TMEM132C: variants seen among roughly 807,000 people sequenced by gnomAD.
TMEM132C encodes the protein protein phosphatase 1, regulatory subunit 152.
In TMEM132C, 29 loss-of-function variants were observed where a neutral mutation model predicts 61.4. The observed-to-expected ratio is 0.47, with a 90% CI of 0.35 to 0.64. The LOEUF (loss-of-function observed/expected upper bound fraction) is 0.64, where lower values mean the gene tolerates loss of function less well. Ranked by LOEUF, TMEM132C falls within the 30% of genes least tolerant of loss-of-function variation. TMEM132C has a pLI of 0.00. For missense variants in TMEM132C, 1,408 were observed against 1,476.9 expected (o/e 0.95, Z 0.76); for synonymous variants, 656 against 633.1 (o/e 1.04, Z -0.54).
intron 1 of TMEM132C, chr12:128,399,829 A>G (rs1468408064): frequency 6.6e-6 from 1 of 152,056 alleles, no homozygotes; most frequent in Non-Finnish European, 1.5e-5. Context: ...GTGTTGTTTA[A>G]TAGAGAGGCA....
chr12:128,606,715 G>A (rs1000705795), intron 3 of TMEM132C, among the ~76,000 whole-genome samples: 3 of 152,074 alleles, frequency 2.0e-5, no homozygotes, highest in Admixed American at 1.3e-4. Context: ...TTCCAAAGGC[G>A]CTTGAGTTTG....
chr12:128,391,865 A>G lies in TMEM132C; in HGVS notation c.86-22867A>G, dbSNP rs1593036692. On this transcript the variant is annotated intron_variant, in intron 1 of 8. Coordinates refer to ENST00000435159, the MANE Select transcript of TMEM132C (RefSeq NM_001136103.3). ...CCAAACCCCTGCCGTCTGCTTTTATATGGCCTTCGAACTAAGAATAGTCTT... is the reference window on the plus strand; with the variant it reads ...CCAAACCCCTGCCGTCTGCTTTTATGTGGCCTTCGAACTAAGAATAGTCTT... Among the ~76,000 whole-genome samples the G allele has an allele frequency of 1.3e-5, 2 of 152,204 alleles. 1 individual carries two copies. The highest frequency in any genetic ancestry group is 3.9e-4 in the East Asian group (2 of 5,190).
chr12:128,367,949 G>T (rs780204474), intron 1 of TMEM132C, among the ~76,000 whole-genome samples: 1 of 152,206 alleles, frequency 6.6e-6, no homozygotes, highest in African/African-American at 2.4e-5. Flanking sequence ...GTGGCGGCTG[G>T]TCTAGACCGT....
chr12:128,691,043 T>C (rs1421009514), intron 5 of TMEM132C, among the ~76,000 whole-genome samples: 1 of 152,218 alleles, frequency 6.6e-6, no homozygotes, highest in Non-Finnish European at 1.5e-5. Flanking sequence ...GGGGACTCTG[T>C]TCTTTCCAAG....
At chr12:128,368,970 C>T (rs999401092) in intron 1 of TMEM132C, among the ~76,000 whole-genome samples, 1 of 152,182 alleles carries the variant, frequency 6.6e-6, no homozygotes, top group African/African-American at 2.4e-5. Context: ...CAGGGATGTG[C>T]TTTGCAAGCT....
chr12:128,576,237 A>C (rs1200128215), intron 3 of TMEM132C, among the ~76,000 whole-genome samples: 4 of 145,132 alleles, frequency 2.8e-5, no homozygotes, highest in Non-Finnish European at 6.0e-5. Flanking sequence ...CTGGGTACAG[A>C]GCGAGACTCT....
intron 2 of TMEM132C, among the ~76,000 whole-genome samples, chr12:128,487,618 T>TATATATATATATATATATACAC (rs1443168994): frequency 6.7e-6 from 1 of 149,330 alleles, no homozygotes; most frequent in African/African-American, 2.5e-5. Context: ...TATATATATA[T>TATATATATATATATATATACAC]ATATATATAT....
At chr12:128,683,149 A>C (rs6486716) in intron 5 of TMEM132C, among the ~76,000 whole-genome samples, 91,034 of 151,782 alleles carry the variant, frequency 0.6, 27,668 homozygotes, top group African/African-American at 0.71. Flanking sequence ...GAAGCCTCTC[A>C]CCACTCTCCT....
intron 5 of TMEM132C, among the ~76,000 whole-genome samples, chr12:128,684,744 G>T (rs1954661487): frequency 6.6e-6 from 1 of 152,212 alleles, no homozygotes; most frequent in Non-Finnish European, 1.5e-5. Flanking sequence ...CATAGACATT[G>T]TCTCAGAAAT....
At chr12:128,661,107 T>C (rs999850445) in intron 4 of TMEM132C, among the ~76,000 whole-genome samples, 3 of 152,126 alleles carry the variant, frequency 2.0e-5, no homozygotes, top group East Asian at 3.9e-4. Context: ...TAGACAGATA[T>C]AGCTATGTGT....
intron 3 of TMEM132C, among the ~76,000 whole-genome samples, chr12:128,607,626 T>G (rs1876474069): frequency 6.6e-6 from 1 of 152,108 alleles, no homozygotes; most frequent in African/African-American, 2.4e-5. Flanking sequence ...TTGGACTAGG[T>G]GTGGCATGTG....
chr12:128,294,625 A>C (rs890415547), intron 1 of TMEM132C, among the ~76,000 whole-genome samples: 12 of 152,316 alleles, frequency 7.9e-5, no homozygotes, highest in African/African-American at 2.9e-4. Flanking sequence ...CAGAGATCCA[A>C]GATCAGGACA....
At chr12:128,309,190 C>T (rs962457705) in intron 1 of TMEM132C, among the ~76,000 whole-genome samples, 2 of 152,096 alleles carry the variant, frequency 1.3e-5, no homozygotes, top group Non-Finnish European at 1.5e-5. Flanking sequence ...AGAATGAAGC[C>T]GTATCGTTTT....
intron 2 of TMEM132C, among the ~76,000 whole-genome samples, chr12:128,462,313 G>A (rs114055317): frequency 0.029 from 4,458 of 152,136 alleles, 214 homozygotes; most frequent in African/African-American, 0.1. Context: ...CTCCACGTTG[G>A]TCAAGCTGGT....
chr12:128,464,148 T>C (rs1254444675), intron 2 of TMEM132C, among the ~76,000 whole-genome samples: 4 of 152,192 alleles, frequency 2.6e-5, no homozygotes, highest in Non-Finnish European at 5.9e-5. Flanking sequence ...TCCACTTCCA[T>C]TGTGAGTCAT....
At chr12:128,692,851 T>C (rs2135651853) in intron 5 of TMEM132C, among the ~76,000 whole-genome samples, 1 of 152,342 alleles carries the variant, frequency 6.6e-6, no homozygotes, top group South Asian at 2.1e-4. Context: ...ACCTTTATTT[T>C]TTTAGTCTGT....
At chr12:128,403,976 G>A (rs1206821111) in intron 1 of TMEM132C, among the ~76,000 whole-genome samples, 2 of 152,136 alleles carry the variant, frequency 1.3e-5, no homozygotes, top group Non-Finnish European at 2.9e-5. Context: ...TATTTGTGGT[G>A]GGGGCACTGT....
chr12:128,523,139 G>C (rs1245838151), intron 2 of TMEM132C, among the ~76,000 whole-genome samples: 2 of 152,214 alleles, frequency 1.3e-5, no homozygotes, highest in Admixed American at 6.5e-5. Context: ...ACCGTGCTAA[G>C]TGAAATAAGA....
chr12:128,379,533 G>C (rs1874336003), intron 1 of TMEM132C, among the ~76,000 whole-genome samples: 1 of 152,176 alleles, frequency 6.6e-6, no homozygotes, highest in Non-Finnish European at 1.5e-5. Context: ...GCTAGGGAAG[G>C]ACCCTTCCTT....
Sources: gnomAD v4.1 joint callset for allele counts (sites outside exome capture counted in the v4.1 genomes callset) on GRCh38, gnomAD v4.1.1 for gene constraint, MANE v1.5 for transcripts, NCBI Gene and HGNC (gene_info 2026-07-23, HGNC 2026-07-21) for gene names.